Variants in NEDD1 observed in about 807,000 individuals in gnomAD.
The protein encoded by NEDD1 is NEDD1 gamma-tubulin ring complex targeting factor.
Under a neutral mutation model 74.0 loss-of-function variants are expected in NEDD1, and 33 were observed. The ratio of observed to expected loss-of-function variants is 0.45; its 90% confidence interval spans 0.34 to 0.60. The LOEUF is 0.60. Among genes scored for constraint, NEDD1 ranks in the 20% least tolerant of loss-of-function variants. The probability of loss-of-function intolerance (pLI) is 0.01; values close to 1 mark genes in which losing one functional copy is unlikely to be tolerated. For missense variants in NEDD1, 746 were observed against 776.5 expected, an observed-to-expected ratio of 0.96 and a Z score of 0.47; for synonymous variants, 250 against 264.4, an observed-to-expected ratio of 0.95 and a Z score of 0.53.
intron 14 of NEDD1, among the ~76,000 whole-genome samples, chr12:96,946,081 C>T (rs1201919895): frequency 6.6e-6 from 1 of 152,040 alleles, no homozygotes; most frequent in South Asian, 2.1e-4. Context: ...GCAGGGCAGT[C>T]TAGCAGGTAG....
chr12:96,936,041 A>C (rs555719022), intron 7 of NEDD1, among the ~76,000 whole-genome samples: 1 of 152,148 alleles, frequency 6.6e-6, no homozygotes, highest in African/African-American at 2.4e-5. Flanking sequence ...CTTCTTTTCT[A>C]CTATACACAC....
chr12:96,937,486 A>G (rs995446689), intron 9 of NEDD1, 93 bp downstream of exon 9: 12 of 580,570 alleles, frequency 2.1e-5, no homozygotes, highest in Middle Eastern at 3.0e-4. Context: ...TTCTTCAAGA[A>G]CATAGAACTC....
At chr12:96,925,136 G>A (rs35154601) in intron 6 of NEDD1, among the ~76,000 whole-genome samples, 1,714 of 151,974 alleles carry the variant, frequency 0.011, 22 homozygotes, top group African/African-American at 0.031. Context: ...AATAAACTGC[G>A]GAGTTCCAAG....
chr12:96,917,579 C>T, intron 4 of NEDD1, 42 bp from the exon 5 acceptor site: 3 of 1,475,626 alleles, frequency 2.0e-6, no homozygotes, highest in South Asian at 3.1e-5. Context: ...CAGCTCTGGG[C>T]TCTGTTAAAT....
chr12:96,940,643 T>G lies in NEDD1; in HGVS notation c.1246+106T>G. 4.2e-6 allele frequency: 3 copies of G among 718,014 alleles called. No homozygotes were observed. In the East Asian group the frequency reaches 8.7e-5, roughly 21 times the overall value. The allele number at this position is 718,014 out of a possible 1,614,324, so 44.5% of individuals were successfully genotyped here. A position where few individuals can be genotyped will look rare whatever the true frequency, so the allele number is the denominator to read the frequency against. ...AGTCCAACTCTATTCACGGATCAGT[T>G]TGCTAATTTTCTCCATCCCTGGGGT... On this transcript the variant is annotated intron_variant, in intron 10 of 15. Transcript: ENST00000266742.
intron 11 of NEDD1, among the ~76,000 whole-genome samples, chr12:96,943,359 A>G (rs1265103188): frequency 6.6e-6 from 1 of 152,176 alleles, no homozygotes; most frequent in Admixed American, 6.6e-5. Flanking sequence ...ACATTTGTAG[A>G]TCGGGAAATA....
rs1432530644 is a variant in NEDD1 at position 96,952,312 on chromosome 12, T to C, written c.*259T>C. ...TTTTTTGAAAGCTTTAGCCATCCAC[T>C]AAGTGCCCTTTTTCATAAGAGAAGA... On this transcript the variant is annotated 3_prime_UTR_variant, in exon 16 of 16. Transcript: ENST00000266742. The C allele has an allele frequency of 4.5e-6, 1 of 224,044 alleles. No individual in the cohort carries two copies. The highest frequency in any genetic ancestry group is 2.3e-5 in the African/African-American group (1 of 44,060). 13.9% of individuals were successfully genotyped at this position (224,044 alleles called of 1,614,324 possible).
At chr12:96,917,403 A>G (rs959696637) in intron 4 of NEDD1, among the ~76,000 whole-genome samples, 3 of 152,168 alleles carry the variant, frequency 2.0e-5, no homozygotes, top group Non-Finnish European at 4.4e-5. Flanking sequence ...ATGCAAATCT[A>G]TTTGATTTCC....
chr12:96,935,157 C>G lies in NEDD1; in HGVS notation c.671C>G (p.Thr224Ser). Residue 224 changes from threonine to serine, a missense_variant, in exon 7 of 16, where the codon ACC becomes AGC. This residue lies in a region of NEDD1 where 706 missense variants were observed against 706.7 expected (regional missense o/e 1.00). Coordinates refer to ENST00000266742, the MANE Select transcript of NEDD1 (RefSeq NM_152905.4). Reference sequence around the variant, plus strand: ...CCTGTCAATGAATTGCTCTTTGTAACCATAGGCTTGGATAAAAGAATCATC... The same window carrying G: ...CCTGTCAATGAATTGCTCTTTGTAAGCATAGGCTTGGATAAAAGAATCATC... Reference protein sequence around the residue: ...FSPVNELLFVTIGLDKRIILY... With the variant: ...FSPVNELLFVSIGLDKRIILY... 6.2e-7 allele frequency: 1 copy of G among 1,612,506 alleles called. No homozygotes were observed.
At chr12:96,943,822 G>T in intron 12 of NEDD1, 60 bp downstream of exon 12, 1 of 1,094,026 alleles carries the variant, frequency 9.1e-7, no homozygotes, top group Non-Finnish European at 1.4e-6. Flanking sequence ...AAAGTGGGTG[G>T]CTGCCAGTGC....
rs1007049896 is a variant in NEDD1, at chr12:96,937,225, A to G, written c.949A>G (p.Lys317Glu). Residue 317 changes from lysine to glutamate, a missense_variant, in exon 9 of 16, where the codon AAG becomes GAG. By Grantham distance (56) the Lys-to-Glu change is moderately conservative. This residue lies in a region of NEDD1 where 706 missense variants were observed against 706.7 expected (regional missense o/e 1.00). Transcript: ENST00000266742. ...KSSLNKGCSN[K>E]PTTVNKRSVN... ...AAGTTTAAATAAAGGCTGTTCAAAT[A>G]AGCCCACAACAGTGAACAAACGAAG... The G allele has an allele frequency of 6.2e-7, 1 of 1,603,510 alleles. No individual in the cohort carries two copies. Among genetic ancestry groups the G allele is most frequent in the Non-Finnish European group, 8.5e-7 (1 of 1,175,282 alleles).
At chr12:96,944,506 A>G in intron 12 of NEDD1, 133 bp from the exon 13 acceptor site, 2 of 483,644 alleles carry the variant, frequency 4.1e-6, no homozygotes, top group South Asian at 4.3e-5. Context: ...TTCTTCTTCT[A>G]TATCTCTTCC....
At position 96,909,825 on chromosome 12, in the gene NEDD1, G is replaced by A; in HGVS notation, c.66G>A (p.Met22Ile). 6.2e-7 allele frequency: 1 copy of A among 1,613,414 alleles called. No individual in the cohort carries two copies. The highest frequency in any genetic ancestry group is 1.1e-5 in the South Asian group (1 of 91,040). Residue 22 changes from methionine to isoleucine, a missense_variant, in exon 3 of 16, where the codon ATG becomes ATA. This residue lies in a region of NEDD1 where 706 missense variants were observed against 706.7 expected (regional missense o/e 1.00). Transcript: ENST00000266742. ...TTAAAATATGGGATGCTTCATCTATGACATTGGTGGATAAATTCAACCCAC... is the reference window on the plus strand; with the variant it reads ...TTAAAATATGGGATGCTTCATCTATAACATTGGTGGATAAATTCAACCCAC... ...DDIKIWDASS[M>I]TLVDKFNPHT...
chr12:96,933,716 T>C (rs1876790592), intron 6 of NEDD1, among the ~76,000 whole-genome samples: 1 of 152,132 alleles, frequency 6.6e-6, no homozygotes, highest in African/African-American at 2.4e-5. Flanking sequence ...TTTTTTGTTG[T>C]TGTTGAGAGC....
intron 4 of NEDD1, among the ~76,000 whole-genome samples, chr12:96,915,720 T>C (rs1874367632): frequency 6.6e-6 from 1 of 152,158 alleles, no homozygotes; most frequent in African/African-American, 2.4e-5. Flanking sequence ...CACCACCAAA[T>C]TGGTGACACT....
rs375745431 is a variant in NEDD1 at position 96,917,653 on chromosome 12, A to C, written c.264A>C (p.Thr88=). 66 of 1,541,388 alleles carry C rather than the reference A, an allele frequency of 4.3e-5. No homozygotes were observed. The highest frequency in any genetic ancestry group is 5.5e-5 in the Non-Finnish European group (64 of 1,155,560). The change falls in exon 5 of 16, where the codon ACA becomes ACC. Residue 88 remains threonine (T), a synonymous_variant. Transcript: ENST00000266742. ...AGACATGTGTCAATTTAAATTCTAC[A>C]TCTATGTATTTGGTAAGCGGAGGCC... ...QKQTCVNLNS[T]SMYLVSGGLN...
In NEDD1 at chr12:96,944,644, A is replaced by G; in HGVS notation, c.1503A>G (p.Ala501=). ...TATTTATTTTAAATATAAAGTTAGCAAAGTTGGTCACATCTGGTGCTGAAA... is the reference window on the plus strand; with the variant it reads ...TATTTATTTTAAATATAAAGTTAGCGAAGTTGGTCACATCTGGTGCTGAAA... ...QESKDSFKQL[A]KLVTSGAESG... Residue 501 remains alanine (A), a synonymous_variant, in exon 13 of 16, where the codon GCA becomes GCG. Transcript: ENST00000266742. 1 of 1,578,380 alleles carries G rather than the reference A, an allele frequency of 6.3e-7. No individual in the cohort carries two copies. Among genetic ancestry groups the G allele is most frequent in the Non-Finnish European group, 8.7e-7 (1 of 1,156,012 alleles).
Position 96,937,340 on chromosome 12 carries a change from A to G in NEDD1, c.1064A>G (p.Gln355Arg), listed in dbSNP as rs368698486. ...PATSIATVLP[Q>R]PMTSAMGKGT... ...ACGTCCATTGCCACAGTTCTACCACAACCTATGACATCAGCTATGGGGAAA... is the reference window on the plus strand; with the variant it reads ...ACGTCCATTGCCACAGTTCTACCACGACCTATGACATCAGCTATGGGGAAA... The change falls in exon 9 of 16, where the codon CAA becomes CGA. Residue 355 changes from glutamine to arginine, a missense_variant. Around this residue, in one of 3 missense-constraint regions of NEDD1, gnomAD observed 706 missense variants for 706.7 expected, o/e 1.00. Transcript: ENST00000266742. 673 of 1,611,786 alleles carry G rather than the reference A, an allele frequency of 4.2e-4. 12 individuals are homozygous for G. The South Asian group carries it at 6.7e-3, about 16-fold the overall frequency.
intron 6 of NEDD1, among the ~76,000 whole-genome samples, chr12:96,927,299 A>G (rs867286731): frequency 8.5e-5 from 13 of 152,250 alleles, no homozygotes; most frequent in Middle Eastern, 3.2e-3. Flanking sequence ...AATTGTATAT[A>G]TTGAAATAAG....
Sources: gnomAD v4.1 joint callset for allele counts (sites outside exome capture counted in the v4.1 genomes callset) on GRCh38, gnomAD v4.1.1 for gene constraint, gnomAD v4.1.1 regional missense constraint, MANE v1.5 for transcripts, NCBI Gene and HGNC (gene_info 2026-07-23, HGNC 2026-07-21) for gene names.